Variants in IFT52 observed in about 807,000 individuals in gnomAD.
IFT52 encodes the protein intraflagellar transport 52, also known as intraflagellar transport protein 52 homolog.
Under a neutral mutation model 54.4 loss-of-function variants are expected in IFT52, and 44 were observed. That is an observed-to-expected ratio of 0.81 (90% CI 0.63 to 1.04). The LOEUF (loss-of-function observed/expected upper bound fraction) is 1.04, where lower values mean the gene tolerates loss of function less well. Ranked by LOEUF, IFT52 falls within the 50% of genes least tolerant of loss-of-function variation. IFT52 has a pLI of 0.00. For missense variants in IFT52, 452 were observed against 523.6 expected (o/e 0.86, Z 1.33); for synonymous variants, 181 against 185.3 (o/e 0.98, Z 0.19).
At chr20:43,646,626 A>C (rs1986216316) in intron 13 of IFT52, among the ~76,000 whole-genome samples, 1 of 152,002 alleles carries the variant, frequency 6.6e-6, no homozygotes, top group African/African-American at 2.4e-5. Flanking sequence ...AGCAGTACTC[A>C]CTCTGGTGGC....
chr20:43,613,253 A>G (rs978091514), intron 6 of IFT52, among the ~76,000 whole-genome samples: 4 of 152,232 alleles, frequency 2.6e-5, no homozygotes, highest in Admixed American at 6.5e-5. Context: ...ATTTACCAGT[A>G]AGATATTATT....
Position 43,642,533 on chromosome 20 carries a change from T to C in IFT52, c.1175T>C (p.Val392Ala), listed in dbSNP as rs1200576808. ...AGGAAGTGTGGTGATATTCTTGGAG[T>C]AACCAGTAAACTACCAAAGGACCAA... ...YVRKCGDILG[V>A]TSKLPKDQQD... The change falls in exon 13 of 14, where the codon GTA becomes GCA. Residue 392 changes from valine (V) to alanine (A), a missense_variant. By Grantham distance (64) the Val-to-Ala change is moderately conservative. Coordinates refer to ENST00000373030, the MANE Select transcript of IFT52 (RefSeq NM_016004.5). 1.2e-6 allele frequency: 2 copies of C among 1,613,894 alleles called. No homozygotes were observed. Among genetic ancestry groups the C allele is most frequent in the African/African-American group, 2.7e-5 (2 of 74,880 alleles).
At chr20:43,616,219 T>C (rs1371492356) in intron 7 of IFT52, among the ~76,000 whole-genome samples, 1 of 151,780 alleles carries the variant, frequency 6.6e-6, no homozygotes, top group Non-Finnish European at 1.5e-5. Flanking sequence ...AATGTGCTCA[T>C]TGTTGGGCTG....
chr20:43,623,453 T>G (rs1271442489), intron 9 of IFT52, among the ~76,000 whole-genome samples: 2 of 152,138 alleles, frequency 1.3e-5, no homozygotes, highest in Non-Finnish European at 2.9e-5. Context: ...TCCCAAAGTG[T>G]TGTAGGTGTG....
chr20:43,608,674 G>A (rs1211545184), intron 6 of IFT52, among the ~76,000 whole-genome samples: 1 of 152,054 alleles, frequency 6.6e-6, no homozygotes, highest in Admixed American at 6.6e-5. Context: ...GGAGGCTGAG[G>A]CAGGCAGATC....
intron 3 of IFT52, among the ~76,000 whole-genome samples, chr20:43,601,032 T>C (rs948318794): frequency 6.6e-6 from 1 of 152,162 alleles, no homozygotes; most frequent in African/African-American, 2.4e-5. Context: ...CTTTTTCTTT[T>C]TTAAACCTCC....
In IFT52 at chr20:43,645,863, TA is replaced by T. The variant is rs1166311677; in HGVS notation, c.1267-1057del. ...CAGGGTGATAGAGTGAGACCCTGTT[TA>T]AAAAAAAAAAAAAAAGATAGTGTTT... On this transcript the variant is annotated intron_variant, in intron 13 of 13. Transcript: ENST00000373030. 3.6e-3 allele frequency among the ~76,000 whole-genome samples: 149 copies of T among 41,454 alleles called. 27 individuals are homozygous for T. In the Middle Eastern group the frequency reaches 0.069, roughly 19 times the overall value. The allele number at this position is 41,454 out of a possible 152,430, so 27.2% of individuals were successfully genotyped here. A position where few individuals can be genotyped will look rare whatever the true frequency, so the allele number is the denominator to read the frequency against.
intron 10 of IFT52, among the ~76,000 whole-genome samples, chr20:43,633,445 C>T (rs1433347863): frequency 1.3e-5 from 2 of 151,694 alleles, no homozygotes; most frequent in Admixed American, 6.6e-5. Context: ...CACAGTGGCT[C>T]ACACCTGTAA....
At chr20:43,640,868 T>C (rs1985863292) in intron 12 of IFT52, among the ~76,000 whole-genome samples, 1 of 151,678 alleles carries the variant, frequency 6.6e-6, no homozygotes, top group Non-Finnish European at 1.5e-5. Context: ...AAACCCCGTC[T>C]CAAATACAAA....
At chr20:43,633,718 A>G (rs1985338174) in intron 10 of IFT52, among the ~76,000 whole-genome samples, 1 of 151,834 alleles carries the variant, frequency 6.6e-6, no homozygotes, top group Non-Finnish European at 1.5e-5. Context: ...AAAAAAATAA[A>G]TAAATAAAAG....
At chr20:43,596,071 CATG>C (rs1364905886) in intron 2 of IFT52, among the ~76,000 whole-genome samples, 1 of 152,164 alleles carries the variant, frequency 6.6e-6, no homozygotes, top group Non-Finnish European at 1.5e-5. Flanking sequence ...GGAAAGGAAA[CATG>C]AGAATTAAAT....
chr20:43,596,490 G>C lies in IFT52; in HGVS notation c.175G>C (p.Ala59Pro). ...AAATGGAGTGAAACTGTGGATTACA[G>C]CTGGGCCAAGGGAAAAATTTACTGC... ...KLNGVKLWIT[A>P]GPREKFTAAE... Residue 59 changes from alanine to proline, a missense_variant, in exon 3 of 14, where the codon GCT becomes CCT. Coordinates refer to ENST00000373030, the MANE Select transcript of IFT52 (RefSeq NM_016004.5). 1 of 1,607,554 alleles carries C rather than the reference G, an allele frequency of 6.2e-7. No homozygotes were observed. Among genetic ancestry groups the C allele is most frequent in the East Asian group, 2.2e-5 (1 of 44,804 alleles).
At chr20:43,605,538 C>G (rs1007912380) in intron 6 of IFT52, among the ~76,000 whole-genome samples, 4 of 151,964 alleles carry the variant, frequency 2.6e-5, no homozygotes, top group African/African-American at 9.7e-5. Context: ...CAGAGCAAGA[C>G]TCCATCTCAA....
chr20:43,593,557 G>A (rs1981696356), intron 1 of IFT52, among the ~76,000 whole-genome samples: 1 of 152,128 alleles, frequency 6.6e-6, no homozygotes, highest in South Asian at 2.1e-4. Context: ...TGAATACTGT[G>A]TAGCTGTTTT....
At chr20:43,607,757 G>C (rs1184884323) in intron 6 of IFT52, among the ~76,000 whole-genome samples, 10 of 152,122 alleles carry the variant, frequency 6.6e-5, no homozygotes, top group African/African-American at 2.4e-4. Context: ...CGGCCGGGCA[G>C]AGGCTGCACT....
At chr20:43,630,623 G>A (rs1985089765) in intron 10 of IFT52, among the ~76,000 whole-genome samples, 1 of 152,194 alleles carries the variant, frequency 6.6e-6, no homozygotes, top group Admixed American at 6.5e-5. Context: ...AATGCCTGTG[G>A]AGTATGAGGT....
chr20:43,605,364 T>TTAGTTCTTCTATATG (rs1982781734), intron 6 of IFT52: 2 of 479,390 alleles, frequency 4.2e-6, no homozygotes. Flanking sequence ...GTAACCAACA[T>TTAGTTCTTCTATATG]GGCAAAATCC....
At chr20:43,619,717 C>T (rs1568760334) in intron 8 of IFT52, among the ~76,000 whole-genome samples, 1 of 152,050 alleles carries the variant, frequency 6.6e-6, no homozygotes, top group Non-Finnish European at 1.5e-5. Flanking sequence ...GGGAACATGT[C>T]TTACGGAAGA....
chr20:43,618,889 A>G (rs766652267), intron 7 of IFT52, 51 bp from the exon 8 acceptor site: 2 of 1,187,162 alleles, frequency 1.7e-6, no homozygotes, highest in Non-Finnish European at 2.5e-6. Flanking sequence ...ACTAGGATAC[A>G]TGAGATGCAC....
Sources: allele counts gnomAD v4.1 joint callset (sites outside exome capture counted in the v4.1 genomes callset), GRCh38; gene constraint gnomAD v4.1.1; transcripts MANE v1.5; gene names NCBI Gene and HGNC (gene_info 2026-07-23, HGNC 2026-07-21).